The following DHRSX variants were observed in gnomAD, a reference collection of about 807,000 sequenced individuals.
DHRSX encodes the protein dehydrogenase/reductase X-linked, also known as polyprenol dehydrogenase.
Under a neutral mutation model 34.0 loss-of-function variants are expected in DHRSX, and 31 were observed. That is an observed-to-expected ratio of 0.91 (90% CI 0.69 to 1.23). DHRSX has a LOEUF of 1.23. Among genes scored for constraint, DHRSX ranks in the 50% most tolerant of loss-of-function variants. The probability of loss-of-function intolerance (pLI) is 0.00; values close to 1 mark genes in which losing one functional copy is unlikely to be tolerated. For synonymous variants in DHRSX, 201 were observed against 183.8 expected (o/e 1.09, Z -0.76); for missense variants, 414 against 428.1 (o/e 0.97, Z 0.29).
chrX:2,257,328 T>TG (rs1270293256), intron 5 of DHRSX, among the ~76,000 whole-genome samples: 12 of 152,142 alleles, frequency 7.9e-5, no homozygotes. Flanking sequence ...ATCAGGGAGA[T>TG]GGAGACGGAG....
At chrX:2,369,584 T>A (rs1436617578) in intron 3 of DHRSX, among the ~76,000 whole-genome samples, 1 of 151,854 alleles carries the variant, frequency 6.6e-6, no homozygotes, top group African/African-American at 2.4e-5. Flanking sequence ...GCAACCTCCA[T>A]CTCCCAGGTT....
chrX:2,263,081 A>G (rs1188515383), intron 5 of DHRSX, among the ~76,000 whole-genome samples: 1 of 152,218 alleles, frequency 6.6e-6, no homozygotes, highest in Non-Finnish European at 1.5e-5. Flanking sequence ...GGCTGGCCCC[A>G]AAGTCTGATG....
At chrX:2,240,695 T>C (rs2016121038) in intron 6 of DHRSX, among the ~76,000 whole-genome samples, 1 of 152,072 alleles carries the variant, frequency 6.6e-6, no homozygotes, top group South Asian at 2.1e-4. Context: ...AGGTGAATCG[T>C]GGCGGTGTTT....
rs888610501 is a variant in DHRSX, at chrX:2,220,028, GC to G, written c.*1012del. ...AACAAGTGACTACCAATTTGTTGGA[GC>G]CTTAAAACAAGAAAGATTTATTCTC... On this transcript the variant is annotated 3_prime_UTR_variant, in exon 7 of 7. Coordinates refer to ENST00000334651, the MANE Select transcript of DHRSX (RefSeq NM_145177.3). The G allele has an allele frequency of 2.0e-4, 31 of 152,244 alleles. No individual in the cohort carries two copies. The highest frequency in any genetic ancestry group is 7.5e-4 in the African/African-American group (31 of 41,528). The allele number at this position is 152,244 out of a possible 1,614,324, so 9.4% of individuals were successfully genotyped here. A position where few individuals can be genotyped will look rare whatever the true frequency, so the allele number is the denominator to read the frequency against.
At chrX:2,225,417 TACTC>T (rs918782680) in intron 6 of DHRSX, among the ~76,000 whole-genome samples, 45 of 152,256 alleles carry the variant, frequency 3.0e-4, no homozygotes, top group African/African-American at 1.0e-3. Context: ...TACATTCACA[TACTC>T]ATTCACATGC....
intron 5 of DHRSX, among the ~76,000 whole-genome samples, chrX:2,265,882 G>A (rs1327796279): frequency 7.0e-5 from 8 of 113,812 alleles, no homozygotes; most frequent in Non-Finnish European, 1.1e-4. Flanking sequence ...ACCAATGCTC[G>A]GCGGACACAG....
intron 3 of DHRSX, among the ~76,000 whole-genome samples, chrX:2,370,621 T>C (rs2043046469): frequency 7.2e-6 from 1 of 139,614 alleles, no homozygotes; most frequent in Admixed American, 6.9e-5. Context: ...CCCTTCCTCA[T>C]TACTCACAGA....
intron 5 of DHRSX, among the ~76,000 whole-genome samples, chrX:2,245,547 T>A (rs750343220): frequency 6.7e-6 from 1 of 150,228 alleles, no homozygotes; most frequent in Admixed American, 6.7e-5. Flanking sequence ...TGACCTCAGG[T>A]GATCCGCCTG....
intron 6 of DHRSX, among the ~76,000 whole-genome samples, chrX:2,232,900 A>G (rs2015929973): frequency 6.6e-6 from 1 of 152,008 alleles, no homozygotes; most frequent in Admixed American, 6.6e-5. Context: ...ACGAGCTCCC[A>G]GAGGCTGCTG....
At chrX:2,346,651 T>TG (rs1241028505) in intron 3 of DHRSX, among the ~76,000 whole-genome samples, 25 of 119,386 alleles carry the variant, frequency 2.1e-4, no homozygotes, top group East Asian at 4.1e-4. Context: ...TCTGGTTTTT[T>TG]TTTTGTTGTT....
At chrX:2,425,503 G>A (rs1302991427) in intron 1 of DHRSX, among the ~76,000 whole-genome samples, 199 bp from the exon 2 acceptor site, 1 of 152,130 alleles carries the variant, frequency 6.6e-6, no homozygotes, top group African/African-American at 2.4e-5. Context: ...TGACAGTGCA[G>A]TAAAAAACCA....
Position 2,243,243 on chromosome X carries a change from C to A in DHRSX, c.597-13G>T. ...TGAGTAGCAGGCACTGTGGGGCAAG[C>A]AGGAGAAGGTGTAAGAGGCTGACGG... On this transcript the variant is annotated splice_polypyrimidine_tract_variant and intron_variant, in intron 5 of 6. Transcript: ENST00000334651. 6.2e-7 allele frequency: 1 copy of A among 1,612,444 alleles called. No homozygotes were observed. Among genetic ancestry groups the A allele is most frequent in the Non-Finnish European group, 8.5e-7 (1 of 1,178,916 alleles).
At chrX:2,313,843 CATCA>C (rs1181305162) in intron 3 of DHRSX, among the ~76,000 whole-genome samples, 6 of 152,020 alleles carry the variant, frequency 3.9e-5, no homozygotes, top group Non-Finnish European at 8.8e-5. Flanking sequence ...AGGCATGAGA[CATCA>C]ATCAAATACA....
Position 2,256,954 on chromosome X carries a change from T to C in DHRSX, c.596+9786A>G, listed in dbSNP as rs140089839. Among the ~76,000 whole-genome samples, 1,202 of 152,238 alleles carry C rather than the reference T, an allele frequency of 7.9e-3. 8 individuals are homozygous for C. The highest frequency in any genetic ancestry group is 0.025 in the African/African-American group (1,037 of 41,554). ...AATGGGAGCATCTTCATTTCTTTTT[T>C]CTTTTTCTTTTTTAAGACAGAATCT... On this transcript the variant is annotated intron_variant, in intron 5 of 6. Coordinates refer to ENST00000334651, the MANE Select transcript of DHRSX (RefSeq NM_145177.3).
chrX:2,290,434 C>T (rs139542133), intron 4 of DHRSX, among the ~76,000 whole-genome samples: 2,254 of 152,158 alleles, frequency 0.015, 27 homozygotes, highest in Non-Finnish European at 0.024. Flanking sequence ...GAAAATGGTA[C>T]GTTAGGTAGC....
chrX:2,227,343 GAGAA>G (rs2015691030), intron 6 of DHRSX, among the ~76,000 whole-genome samples: 1 of 150,744 alleles, frequency 6.6e-6, no homozygotes, highest in Non-Finnish European at 1.5e-5. Context: ...GAAAGAGAAG[GAGAA>G]AGAAAAAGAG....
At chrX:2,495,831 C>T (rs965151316) in intron 1 of DHRSX, among the ~76,000 whole-genome samples, 1 of 152,102 alleles carries the variant, frequency 6.6e-6, no homozygotes, top group African/African-American at 2.4e-5. Context: ...GGCGATTTCA[C>T]GTTTCCAATT....
In DHRSX at chrX:2,425,295, G is replaced by C. The variant is rs775850133; in HGVS notation, c.119C>G (p.Pro40Arg). Residue 40 changes from proline to arginine, a missense_variant, in exon 2 of 7, where the codon CCA becomes CGA. Coordinates refer to ENST00000334651, the MANE Select transcript of DHRSX (RefSeq NM_145177.3). ...RGGFLEPVFP[P>R]RPDRVAIVTG... ...CACTATAGCGACACGGTCAGGTCGT[G>C]GGGGGAAAACTGAAAAAGAAGAAGA... is the stretch of plus-strand genomic sequence containing the variant. 15 of 1,612,592 alleles carry C rather than the reference G, an allele frequency of 9.3e-6. No homozygotes were observed. The highest frequency in any genetic ancestry group is 5.0e-5 in the Admixed American group (3 of 59,858).
At chrX:2,394,807 C>T (rs904412576) in intron 3 of DHRSX, among the ~76,000 whole-genome samples, 1 of 151,344 alleles carries the variant, frequency 6.6e-6, no homozygotes, top group South Asian at 2.1e-4. Flanking sequence ...CGGAAGTTGC[C>T]GTGAGCCGAG....
Sources: allele counts gnomAD v4.1 joint callset (sites outside exome capture counted in the v4.1 genomes callset), GRCh38; gene constraint gnomAD v4.1.1; transcripts MANE v1.5; gene names NCBI Gene and HGNC (gene_info 2026-07-23, HGNC 2026-07-21).